The following SMARCA1 variants were observed in gnomAD, a reference collection of about 807,000 sequenced individuals.
The protein encoded by SMARCA1 is SWI/SNF-related matrix-associated actin-dependent regulator of chromatin subfamily A member 1.
In SMARCA1, 17 loss-of-function variants were observed where a neutral mutation model predicts 93.6. The ratio of observed to expected loss-of-function variants is 0.18; its 90% CI spans 0.12 to 0.27. SMARCA1 has a LOEUF of 0.27. Among genes scored for constraint, SMARCA1 ranks in the 10% least tolerant of loss-of-function variants. The pLI is 1.00. For synonymous variants in SMARCA1, 271 were observed against 271.4 expected (o/e 1.00, Z 0.01); for missense variants, 630 against 819.0 (o/e 0.77, Z 2.82).
At chrX:129,516,050 T>C in intron 3 of SMARCA1, 56 bp from the exon 4 acceptor site, 1 of 869,247 alleles carries the variant, frequency 1.2e-6, no homozygotes, top group South Asian at 2.2e-5. Context: ...AGGTATCAAT[T>C]AAATCAGTGT....
rs758191901 is a variant in SMARCA1, at chrX:129,506,074, A to G, written c.1098+6T>C. The G allele has an allele frequency of 9.3e-6, 11 of 1,181,887 alleles. No homozygotes were observed. The African/African-American group carries it at 1.9e-4, about 21-fold the overall frequency. ...GTTATACTTAAAACGTATGGCTTAA[A>G]CTTACATCTGCAGAATTAAAGACAT... is the stretch of plus-strand genomic sequence containing the variant. On this transcript the variant is annotated splice_donor_region_variant and intron_variant, in intron 8 of 24. Coordinates refer to ENST00000371121, the MANE Select transcript of SMARCA1 (RefSeq NM_001282874.2).
chrX:129,478,303 C>G lies in SMARCA1; in HGVS notation c.2442+2398G>C, dbSNP rs1422215467. The stretch of plus-strand genomic sequence containing the variant: ...TCACTGCTTTATCCCAAGTACTTGG[C>G]CCAGTACCTGGCACAAAGGATTGCT... On this transcript the variant is annotated intron_variant, in intron 19 of 24. Coordinates refer to ENST00000371121, the MANE Select transcript of SMARCA1 (RefSeq NM_001282874.2). 2.7e-5 allele frequency among the ~76,000 whole-genome samples: 3 copies of G among 112,126 alleles called. No homozygotes were observed. In the Admixed American group the frequency reaches 2.8e-4, roughly 11 times the overall value.
chrX:129,458,566 A>C (rs1243856789), intron 23 of SMARCA1, among the ~76,000 whole-genome samples: 3 of 112,265 alleles, frequency 2.7e-5, no homozygotes, highest in African/African-American at 9.7e-5. Flanking sequence ...CTAAGTTCAA[A>C]TATCCTTTGC....
At chrX:129,483,847 T>C (rs1933786287) in intron 17 of SMARCA1, among the ~76,000 whole-genome samples, 1 of 112,336 alleles carries the variant, frequency 8.9e-6, no homozygotes, top group African/African-American at 3.2e-5. Context: ...ACAAACCATA[T>C]ATGAAAATCT....
intron 19 of SMARCA1, among the ~76,000 whole-genome samples, chrX:129,473,642 T>C (rs1368613729): frequency 8.9e-6 from 1 of 112,364 alleles, no homozygotes; most frequent in African/African-American, 3.2e-5. Flanking sequence ...AGGAGCCACA[T>C]AGATACATGG....
intron 9 of SMARCA1, among the ~76,000 whole-genome samples, chrX:129,503,229 G>C (rs887922127): frequency 8.9e-6 from 1 of 112,264 alleles, no homozygotes; most frequent in African/African-American, 3.2e-5. Context: ...AGGATCACCA[G>C]TATCATGACA....
At chrX:129,504,679 G>T in intron 9 of SMARCA1, 55 bp downstream of exon 9, 1 of 835,511 alleles carries the variant, frequency 1.2e-6, no homozygotes, top group Non-Finnish European at 1.8e-6. Flanking sequence ...TTGTTTTCTG[G>T]GTCAGTTTGT....
At chrX:129,508,164 G>A in intron 6 of SMARCA1, 68 bp from the exon 7 acceptor site, 1 of 635,474 alleles carries the variant, frequency 1.6e-6, no homozygotes. Flanking sequence ...GATGATCACA[G>A]AATTAAAATA....
intron 9 of SMARCA1, among the ~76,000 whole-genome samples, 185 bp downstream of exon 9, chrX:129,504,549 T>TAAAA (rs780225300): frequency 0.03 from 717 of 24,192 alleles, 140 homozygotes; most frequent in East Asian, 0.072. Context: ...CATAGAGGAA[T>TAAAA]AAAAAAAAAA....
chrX:129,482,671 G>C (rs1205535631), intron 17 of SMARCA1, among the ~76,000 whole-genome samples: 2 of 112,330 alleles, frequency 1.8e-5, no homozygotes, highest in East Asian at 5.6e-4. Context: ...ATCCAAAGTA[G>C]CATCAACCAT....
In SMARCA1 at chrX:129,447,213, C is replaced by T; in HGVS notation, c.3162G>A (p.Glu1054=). 1.8e-6 allele frequency: 2 copies of T among 1,137,993 alleles called. No homozygotes were observed. The highest frequency in any genetic ancestry group is 2.3e-6 in the Non-Finnish European group (2 of 859,195). 93.8% of individuals were successfully genotyped at this position (1,137,993 alleles called of 1,213,427 possible). The part of the protein sequence containing the change: ...KTPMSQKRKA[E]SATESSGKKD... Reference sequence around the variant, plus strand: ...TCTTTCCAGAGCTCTCAGTAGCTGACTCTGCTTTTCTTTTCTGTGACTAAA... The same window carrying T: ...TCTTTCCAGAGCTCTCAGTAGCTGATTCTGCTTTTCTTTTCTGTGACTAAA... The change falls in exon 25 of 25, where the codon GAG becomes GAA. Residue 1054 remains glutamate (E), a synonymous_variant. Transcript: ENST00000371121.
intron 6 of SMARCA1, among the ~76,000 whole-genome samples, chrX:129,509,189 A>AC (rs1934937830): frequency 1.7e-5 from 1 of 59,575 alleles, no homozygotes. Flanking sequence ...AGTCCGTCTC[A>AC]AAAAAAAAAA....
intron 8 of SMARCA1, 38 bp from the exon 9 acceptor site, chrX:129,504,840 T>G: frequency 1.2e-6 from 1 of 853,449 alleles, no homozygotes; most frequent in Non-Finnish European, 1.7e-6. Flanking sequence ...AGTGCACAGT[T>G]TTTTTAAATA....
In SMARCA1 at chrX:129,515,907, C is replaced by T; in HGVS notation, c.516G>A (p.Glu172=). The T allele has an allele frequency of 8.3e-7, 1 of 1,198,511 alleles. No homozygotes were observed. The highest frequency in any genetic ancestry group is 2.2e-5 in the Admixed American group (1 of 46,004). ...RKTSNVCIRF[E]VSPSYVKGGP... is the part of the protein sequence containing the mutation. ...TGAAGTACTTACATGAAGGTGACAC[C>T]TCAAATCTAATACACACATTAGATG... Residue 172 remains glutamate, a synonymous_variant, in exon 4 of 25, where the codon GAG becomes GAA. Transcript: ENST00000371121.
At position 129,523,340 on chromosome X, in the gene SMARCA1, T is replaced by C. The variant is rs1474334217; in HGVS notation, c.31A>G (p.Thr11Ala). 19 of 1,193,493 alleles carry C rather than the reference T, an allele frequency of 1.6e-5. No homozygotes were observed. The highest frequency in any genetic ancestry group is 2.1e-5 in the Non-Finnish European group (19 of 889,702). The change falls in exon 1 of 25, where the codon ACC becomes GCC. Residue 11 changes from threonine (T) to alanine (A), a missense_variant. This residue lies in a region of SMARCA1 where 103 missense variants were observed against 82.0 expected (regional missense o/e 1.26). Transcript: ENST00000371121. MEQDTAAVAA[T>A]VAAADATATI... ...GCGGTCGCATCCGCGGCTGCCACGG[T>C]GGCTGCCACTGCGGCAGTGTCCTGC...
In SMARCA1 at chrX:129,463,795, G is replaced by A. The variant is rs191538322; in HGVS notation, c.3030+1725C>T. Reference sequence around the variant, plus strand: ...TCTACTAAAAATACAAAAGTTAGCCGGGCGTGGTGCAGGTGCCTGTAATAC... The same window carrying A: ...TCTACTAAAAATACAAAAGTTAGCCAGGCGTGGTGCAGGTGCCTGTAATAC... On this transcript the variant is annotated intron_variant, in intron 23 of 24. Transcript: ENST00000371121. 1.0e-4 allele frequency among the ~76,000 whole-genome samples: 11 copies of A among 110,139 alleles called. No individual in the cohort carries two copies. The South Asian group carries it at 2.8e-3, about 28-fold the overall frequency.
At chrX:129,503,819 G>A (rs763197431) in intron 9 of SMARCA1, among the ~76,000 whole-genome samples, 105 of 108,202 alleles carry the variant, frequency 9.7e-4, no homozygotes, top group African/African-American at 3.2e-3. Context: ...AAAATTAGCC[G>A]GGCGTGGTGG....
chrX:129,466,375 G>A (rs1274671663), intron 21 of SMARCA1, among the ~76,000 whole-genome samples: 1 of 111,465 alleles, frequency 9.0e-6, no homozygotes, highest in African/African-American at 3.3e-5. Context: ...ACAATTATGG[G>A]CCAGGCACAG....
Position 129,453,917 on chromosome X carries a change from T to G in SMARCA1, c.3031-5474A>C, listed in dbSNP as rs1166229713. Among the ~76,000 whole-genome samples the G allele has an allele frequency of 4.5e-4, 50 of 112,032 alleles. 1 individual carries two copies. The highest frequency in any genetic ancestry group is 9.2e-3 in the Middle Eastern group (2 of 217). On this transcript the variant is annotated intron_variant, in intron 23 of 24. Coordinates refer to ENST00000371121, the MANE Select transcript of SMARCA1 (RefSeq NM_001282874.2). ...ATCCCCATCAAGCTACCATTGACTT[T>G]CTTCACAGAATTAGAAAAAACTACT... is the stretch of plus-strand genomic sequence containing the variant.
Sources: allele counts gnomAD v4.1 joint callset (sites outside exome capture counted in the v4.1 genomes callset), GRCh38; gene constraint gnomAD v4.1.1; regional missense constraint gnomAD v4.1.1; transcripts MANE v1.5; gene names NCBI Gene and HGNC (gene_info 2026-07-23, HGNC 2026-07-21).